Variants in DST observed in about 807,000 individuals in gnomAD.
The protein encoded by DST is dystonin, also known as bullous pemphigoid antigen.
DST carries 253 observed loss-of-function variants against 875.2 expected under a neutral mutation model. The observed-to-expected ratio is 0.29, with a 90% CI of 0.26 to 0.32. DST has a LOEUF of 0.32. DST is among the 10% of genes least tolerant of loss of function. DST has a pLI of 1.00. For missense variants in DST, 8,287 were observed against 9,111.6 expected, an observed-to-expected ratio of 0.91 and a Z score of 3.68; for synonymous variants, 3,124 against 3,197.1, an observed-to-expected ratio of 0.98 and a Z score of 0.77.
intron 4 of DST, among the ~76,000 whole-genome samples, chr6:56,812,581 A>T (rs1335365844): frequency 6.6e-6 from 1 of 152,218 alleles, no homozygotes; most frequent in Non-Finnish European, 1.5e-5. Flanking sequence ...ATTCTGAAAC[A>T]TGTGTGCTAA....
At chr6:56,824,575 G>A (rs1055563897) in intron 4 of DST, among the ~76,000 whole-genome samples, 1 of 151,536 alleles carries the variant, frequency 6.6e-6, no homozygotes, top group Admixed American at 6.6e-5. Flanking sequence ...GTCTCTGCCC[G>A]GCCGCCCATC....
At chr6:56,633,702 G>A (rs531670871) in intron 27 of DST, among the ~76,000 whole-genome samples, 10 of 149,614 alleles carry the variant, frequency 6.7e-5, no homozygotes, top group South Asian at 6.4e-4. Flanking sequence ...GTTTCTCCAC[G>A]TTGGTCAGGC....
At chr6:56,851,815 G>T (rs1025134353) in intron 3 of DST, 12 of 1,551,438 alleles carry the variant, frequency 7.7e-6, no homozygotes, top group African/African-American at 6.9e-5. Context: ...GTCTCCAATC[G>T]TAAAAACAAT....
In DST at chr6:56,608,252, G is replaced by A; in HGVS notation, c.6376C>T (p.Gln2126Ter). 8 of 1,613,694 alleles carry A rather than the reference G, an allele frequency of 5.0e-6. No individual in the cohort carries two copies. Among genetic ancestry groups the A allele is most frequent in the Non-Finnish European group, 6.8e-6 (8 of 1,179,788 alleles). Residue 2126 changes from glutamine (Q) to a stop codon, truncating the protein, a stop_gained, in exon 40 of 104, where the codon CAG becomes TAG. Transcript: ENST00000680361. LOFTEE classifies it high-confidence loss of function. ...SQVIGLDAAK[Q>*]LGIIDNNTAS... is the part of the protein sequence containing the mutation. Reference sequence around the variant, plus strand: ...GTGTTGTTGTCTATAATTCCTAGCTGTTTAGCAGCATCCAAACCAATGACT... The same window carrying A: ...GTGTTGTTGTCTATAATTCCTAGCTATTTAGCAGCATCCAAACCAATGACT...
chr6:56,925,227 T>C (rs1439731489), intron 2 of DST, among the ~76,000 whole-genome samples: 1 of 151,816 alleles, frequency 6.6e-6, no homozygotes, highest in African/African-American at 2.4e-5. Flanking sequence ...ACTAGTGTTG[T>C]TTTTTTTCAT....
At chr6:56,499,495 T>C (rs563067202) in intron 80 of DST, among the ~76,000 whole-genome samples, 9 of 152,252 alleles carry the variant, frequency 5.9e-5, no homozygotes, top group Admixed American at 5.2e-4. Context: ...TTCTTCTGAA[T>C]GGTCTGAGTC....
At chr6:56,633,759 C>T (rs2098803520) in intron 27 of DST, among the ~76,000 whole-genome samples, 1 of 152,150 alleles carries the variant, frequency 6.6e-6, no homozygotes, top group African/African-American at 2.4e-5. Context: ...GCCTCGGCCT[C>T]CCAAAGTCCT....
chr6:56,473,891 C>G lies in DST; in HGVS notation c.21976G>C (p.Asp7326His). ...SSLQSHIPVL[D>H]KGRAGRKRFP... ...TGCTTACTTCCTGCTCGTCCCTTAT[C>G]CAAGACTGGAATATGGGATTGTAAT... The change falls in exon 93 of 104, where the codon GAT (aspartate) becomes CAT (histidine). Residue 7326 changes from aspartate to histidine, a missense_variant. Coordinates refer to ENST00000680361, the MANE Select transcript of DST (RefSeq NM_001374736.1). 6.3e-7 allele frequency: 1 copy of G among 1,599,718 alleles called. No individual in the cohort carries two copies. The highest frequency in any genetic ancestry group is 8.5e-7 in the Non-Finnish European group (1 of 1,171,844).
chr6:56,677,223 G>A (rs975101487), intron 9 of DST, among the ~76,000 whole-genome samples: 8 of 152,052 alleles, frequency 5.3e-5, no homozygotes, highest in East Asian at 1.9e-4. Context: ...TCACAGCGCC[G>A]CCACATAGAA....
chr6:56,573,039 C>G lies in DST; in HGVS notation c.13262G>C (p.Arg4421Pro), dbSNP rs373925692. ...ATTCATGGCATTTATACTGCTCTGA[C>G]GACCTGCAATATCCTGTTCCAACAT... ...NIMLEQDIAGRQSSINAMNEK... is the reference protein window; with the variant it reads ...NIMLEQDIAGPQSSINAMNEK... Residue 4421 changes from arginine (R) to proline (P), a missense_variant, in exon 52 of 104, where the codon CGT (arginine) becomes CCT (proline). By Grantham distance (103) the Arg-to-Pro change is moderately radical. This residue lies in a region of DST where 1,513 missense variants were observed against 1,677.8 expected (regional missense o/e 0.90). Coordinates refer to ENST00000680361, the MANE Select transcript of DST (RefSeq NM_001374736.1). 1.3e-6 allele frequency: 2 copies of G among 1,592,096 alleles called. No homozygotes were observed. The highest frequency in any genetic ancestry group is 2.2e-5 in the East Asian group (1 of 44,488).
At chr6:56,950,207 C>T (rs1038844727) in intron 2 of DST, among the ~76,000 whole-genome samples, 21 of 152,144 alleles carry the variant, frequency 1.4e-4, no homozygotes, top group African/African-American at 5.1e-4. Flanking sequence ...TTGCCTGAAA[C>T]AGGAAATAGA....
chr6:56,761,660 C>T (rs2099617437), intron 4 of DST, among the ~76,000 whole-genome samples: 1 of 151,730 alleles, frequency 6.6e-6, no homozygotes, highest in Non-Finnish European at 1.5e-5. Context: ...GTGAACAGGC[C>T]TAGGGTTGGG....
intron 8 of DST, among the ~76,000 whole-genome samples, chr6:56,701,025 G>A (rs2099301375): frequency 7.1e-6 from 1 of 140,084 alleles, no homozygotes; most frequent in African/African-American, 2.7e-5. Context: ...TGTTACCCCG[G>A]CTGGAGTGCA....
intron 39 of DST, among the ~76,000 whole-genome samples, chr6:56,609,894 T>C (rs116345192): frequency 0.023 from 3,564 of 152,292 alleles, 105 homozygotes; most frequent in African/African-American, 0.071. Context: ...TTTTTGAATA[T>C]TGAATATTAT....
chr6:56,709,105 G>C (rs2099352248), intron 5 of DST, among the ~76,000 whole-genome samples: 1 of 152,166 alleles, frequency 6.6e-6, no homozygotes, highest in South Asian at 2.1e-4. Flanking sequence ...TAACAAGGCT[G>C]ATACAGCATT....
rs150064910 is a variant in DST at position 56,499,656 on chromosome 6, C to G, written c.19896+1424G>C. 3.3e-3 allele frequency among the ~76,000 whole-genome samples: 495 copies of G among 152,140 alleles called. 1 individual carries two copies. The highest frequency in any genetic ancestry group is 9.5e-3 in the African/African-American group (395 of 41,536). ...AAGAAAAGAGAGAAGAGAAAAGGGG[C>G]CATTTCAAAGTACTTAAAATTAGAC... is the stretch of plus-strand genomic sequence containing the variant. On this transcript the variant is annotated intron_variant, in intron 80 of 103. Coordinates refer to ENST00000680361, the MANE Select transcript of DST (RefSeq NM_001374736.1).
At chr6:56,537,781 C>G (rs1181546317) in intron 61 of DST, among the ~76,000 whole-genome samples, 1 of 152,164 alleles carries the variant, frequency 6.6e-6, no homozygotes, top group Non-Finnish European at 1.5e-5. Context: ...ATTTAATGTG[C>G]TAGATTAAAA....
intron 72 of DST, among the ~76,000 whole-genome samples, chr6:56,512,228 C>A (rs3924307): frequency 0.025 from 3,842 of 152,290 alleles, 73 homozygotes; most frequent in Non-Finnish European, 0.043. Flanking sequence ...GCTAGCTAAT[C>A]AAGAAATACA....
intron 3 of DST, among the ~76,000 whole-genome samples, chr6:56,886,437 G>T (rs900409470): frequency 6.6e-6 from 1 of 152,228 alleles, no homozygotes; most frequent in African/African-American, 2.4e-5. Flanking sequence ...GTCTTTGAAA[G>T]TATGAAGTGC....
Sources: allele counts gnomAD v4.1 joint callset (sites outside exome capture counted in the v4.1 genomes callset), GRCh38; gene constraint gnomAD v4.1.1; regional missense constraint gnomAD v4.1.1; transcripts MANE v1.5; gene names NCBI Gene and HGNC (gene_info 2026-07-23, HGNC 2026-07-21).